Variants in EGLN1 observed in about 807,000 individuals in gnomAD.
EGLN1 encodes the protein egl nine homolog 1.
EGLN1 carries 17 observed loss-of-function variants against 38.3 expected under a neutral mutation model. The observed-to-expected ratio is 0.44, with a 90% CI of 0.30 to 0.67. The LOEUF (loss-of-function observed/expected upper bound fraction) is 0.67, where lower values mean the gene tolerates loss of function less well. Ranked by LOEUF, EGLN1 falls within the 30% of genes least tolerant of loss-of-function variation. The pLI, the probability that EGLN1 is intolerant of heterozygous loss-of-function variation, is 0.08. For missense variants in EGLN1, 477 were observed against 603.3 expected, an observed-to-expected ratio of 0.79 and a Z score of 2.19; for synonymous variants, 283 against 257.5, an observed-to-expected ratio of 1.10 and a Z score of -0.95.
chr1:231,412,750 T>C (rs543800243), intron 1 of EGLN1, among the ~76,000 whole-genome samples: 2 of 152,354 alleles, frequency 1.3e-5, no homozygotes, highest in East Asian at 1.9e-4. Flanking sequence ...AACTTTTTTC[T>C]TGTTGCTTGG....
At chr1:231,368,782 G>A (rs1264600916) in intron 3 of EGLN1, among the ~76,000 whole-genome samples, 1 of 152,184 alleles carries the variant, frequency 6.6e-6, no homozygotes, top group South Asian at 2.1e-4. Context: ...CTGGGAGTTT[G>A]GACAACTGGG....
chr1:231,387,036 T>C (rs189591032), intron 1 of EGLN1, among the ~76,000 whole-genome samples: 10 of 151,726 alleles, frequency 6.6e-5, no homozygotes, highest in African/African-American at 2.4e-4. Context: ...TTTTAAAATG[T>C]TTTGTACAGA....
intron 4 of EGLN1, 133 bp downstream of exon 4, chr1:231,367,436 A>T (rs2102890100): frequency 2.1e-6 from 2 of 947,534 alleles, no homozygotes; most frequent in East Asian, 2.5e-5. Flanking sequence ...AATGAGGCAA[A>T]TAAGAAATCT....
At chr1:231,398,751 G>A (rs2102923365) in intron 1 of EGLN1, among the ~76,000 whole-genome samples, 1 of 152,160 alleles carries the variant, frequency 6.6e-6, no homozygotes, top group South Asian at 2.1e-4. Context: ...CGGCTACTGG[G>A]GGAAAAAATA....
At chr1:231,373,495 A>G (rs916652732) in intron 2 of EGLN1, among the ~76,000 whole-genome samples, 1 of 152,226 alleles carries the variant, frequency 6.6e-6, no homozygotes, top group Non-Finnish European at 1.5e-5. Context: ...TTTTTAAGAT[A>G]TATCAGTACT....
intron 1 of EGLN1, among the ~76,000 whole-genome samples, chr1:231,416,646 G>A (rs529526093): frequency 2.6e-5 from 4 of 152,150 alleles, no homozygotes; most frequent in South Asian, 4.2e-4. Context: ...GATTATAGGC[G>A]TGAGCCACTA....
chr1:231,377,929 C>T (rs575393928), intron 1 of EGLN1, among the ~76,000 whole-genome samples: 3 of 152,270 alleles, frequency 2.0e-5, no homozygotes, highest in African/African-American at 7.2e-5. Context: ...TTAAATCTCA[C>T]GTTTTGAAGA....
intron 1 of EGLN1, among the ~76,000 whole-genome samples, chr1:231,417,315 T>C (rs1190374251): frequency 1.3e-5 from 2 of 152,228 alleles, no homozygotes; most frequent in Non-Finnish European, 2.9e-5. Context: ...TTTATGTATG[T>C]TTTAACGGAA....
intron 1 of EGLN1, among the ~76,000 whole-genome samples, chr1:231,387,255 A>C (rs1470007786): frequency 1.8e-4 from 23 of 127,966 alleles, no homozygotes; most frequent in Admixed American, 6.4e-4. Context: ...ACACACACAC[A>C]CCCCCCTAAT....
intron 3 of EGLN1, chr1:231,369,454 G>T (rs755546003): frequency 7.3e-5 from 29 of 399,412 alleles, no homozygotes; most frequent in Non-Finnish European, 9.2e-5. Flanking sequence ...TACAGAAGCA[G>T]CAGGGGGCAG....
chr1:231,412,890 T>C (rs1688989828), intron 1 of EGLN1, among the ~76,000 whole-genome samples: 1 of 152,154 alleles, frequency 6.6e-6, no homozygotes, highest in Non-Finnish European at 1.5e-5. Flanking sequence ...CCAAAACCCT[T>C]TAAGTCATTC....
intron 1 of EGLN1, among the ~76,000 whole-genome samples, chr1:231,418,576 T>C (rs993580008): frequency 6.6e-6 from 1 of 152,120 alleles, no homozygotes; most frequent in Non-Finnish European, 1.5e-5. Flanking sequence ...GAATTAAGAT[T>C]ATTGTGGCCA....
At chr1:231,381,919 G>A (rs1038421028) in intron 1 of EGLN1, among the ~76,000 whole-genome samples, 3 of 152,130 alleles carry the variant, frequency 2.0e-5, no homozygotes, top group African/African-American at 7.2e-5. Flanking sequence ...AAGGAGACTG[G>A]GGATCCTGAG....
chr1:231,410,886 C>G (rs1043249403), intron 1 of EGLN1, among the ~76,000 whole-genome samples: 2 of 151,298 alleles, frequency 1.3e-5, no homozygotes, highest in Non-Finnish European at 2.9e-5. Flanking sequence ...AATTTTTTAG[C>G]TAAAAAGCAA....
intron 1 of EGLN1, among the ~76,000 whole-genome samples, chr1:231,413,610 G>A (rs554403984): frequency 1.0e-3 from 156 of 152,086 alleles, no homozygotes; most frequent in Non-Finnish European, 1.7e-3. Context: ...TTTATTGACT[G>A]TCCCTCCCCA....
chr1:231,400,831 C>T (rs985921192), intron 1 of EGLN1, among the ~76,000 whole-genome samples: 2 of 152,124 alleles, frequency 1.3e-5, no homozygotes, highest in African/African-American at 4.8e-5. Flanking sequence ...GGGTAGATTG[C>T]TTGAGGTCAG....
At chr1:231,380,076 A>G (rs1688045927) in intron 1 of EGLN1, among the ~76,000 whole-genome samples, 1 of 152,174 alleles carries the variant, frequency 6.6e-6, no homozygotes, top group African/African-American at 2.4e-5. Context: ...CTCCAAAAAA[A>G]AGTCATGACT....
chr1:231,417,553 C>T (rs948007663), intron 1 of EGLN1, among the ~76,000 whole-genome samples: 2 of 152,044 alleles, frequency 1.3e-5, no homozygotes, highest in Admixed American at 1.3e-4. Context: ...TACTGCATAT[C>T]ATTGAGACTC....
intron 4 of EGLN1, 46 bp from the exon 5 acceptor site, chr1:231,366,521 C>T: frequency 6.4e-7 from 1 of 1,567,066 alleles, no homozygotes; most frequent in South Asian, 1.1e-5. Flanking sequence ...CACTAAGCAC[C>T]AGAGAGCTTC....
Sources: gnomAD v4.1 joint callset for allele counts (sites outside exome capture counted in the v4.1 genomes callset) on GRCh38, gnomAD v4.1.1 for gene constraint, MANE v1.5 for transcripts, NCBI Gene and HGNC (gene_info 2026-07-23, HGNC 2026-07-21) for gene names.